WWOX: variants seen among roughly 807,000 people sequenced by gnomAD.
The protein encoded by WWOX is WW domain-containing oxidoreductase.
WWOX carries 69 observed loss-of-function variants against 46.2 expected under a neutral mutation model. The ratio of observed to expected loss-of-function variants is 1.49; its 90% confidence interval spans 1.23 to 1.82. WWOX has a LOEUF of 1.82. Among genes scored for constraint, WWOX ranks in the 40% most tolerant of loss-of-function variants. The pLI is 0.00. For missense variants in WWOX, 919 were observed against 542.6 expected (o/e 1.69, Z -6.89); for synonymous variants, 359 against 202.6 (o/e 1.77, Z -6.56).
chr16:79,184,821 A>G (rs1165411895), intron 8 of WWOX, among the ~76,000 whole-genome samples: 2 of 152,196 alleles, frequency 1.3e-5, no homozygotes, highest in Non-Finnish European at 2.9e-5. Flanking sequence ...TGATTTCCCC[A>G]TGCTCTTGGC....
chr16:78,571,790 C>T (rs2044721796), intron 8 of WWOX, among the ~76,000 whole-genome samples: 2 of 152,102 alleles, frequency 1.3e-5, no homozygotes, highest in South Asian at 4.2e-4. Context: ...ATCGCTGGAA[C>T]CCGGGAGACA....
At chr16:78,889,718 A>G (rs2044546619) in intron 8 of WWOX, among the ~76,000 whole-genome samples, 1 of 151,908 alleles carries the variant, frequency 6.6e-6, no homozygotes, top group African/African-American at 2.4e-5. Context: ...TTCTGCAGGT[A>G]TTTTCCCCCC....
chr16:79,145,130 T>G (rs2050161533), intron 8 of WWOX, among the ~76,000 whole-genome samples: 1 of 152,196 alleles, frequency 6.6e-6, no homozygotes, highest in African/African-American at 2.4e-5. Flanking sequence ...AATCCATTAT[T>G]TACTAAAACT....
chr16:79,194,194 C>G (rs1466735801), intron 8 of WWOX, among the ~76,000 whole-genome samples: 1 of 152,148 alleles, frequency 6.6e-6, no homozygotes, highest in East Asian at 1.9e-4. Context: ...TATGTCAAAA[C>G]CACACCAAAA....
intron 8 of WWOX, among the ~76,000 whole-genome samples, chr16:78,963,514 C>G (rs17636170): frequency 0.36 from 54,045 of 152,052 alleles, 9,908 homozygotes; most frequent in Non-Finnish European, 0.38. Context: ...AAGTTGCAGA[C>G]AGCAGTCGCT....
At chr16:78,529,052 C>G (rs1347918790) in intron 8 of WWOX, among the ~76,000 whole-genome samples, 2 of 150,754 alleles carry the variant, frequency 1.3e-5, no homozygotes, top group African/African-American at 4.9e-5. Context: ...CTCTCTGGCT[C>G]CAGTGATCCT....
chr16:78,753,743 A>C (rs182011724), intron 8 of WWOX, among the ~76,000 whole-genome samples: 2,085 of 143,266 alleles, frequency 0.015, 50 homozygotes, highest in African/African-American at 0.05. Context: ...TCAAGGCTGT[A>C]GTGAGCAAAG....
chr16:78,527,322 C>A (rs1440795089), intron 8 of WWOX, among the ~76,000 whole-genome samples: 1 of 137,380 alleles, frequency 7.3e-6, no homozygotes. Context: ...GAGACAGAGT[C>A]TCACTCTGTT....
chr16:78,624,889 G>A lies in WWOX; in HGVS notation c.1056+192137G>A, dbSNP rs183498148. On this transcript the variant is annotated intron_variant, in intron 8 of 8. Transcript: ENST00000566780. ...TTTGAATGCTGGCATGGTGATGAAA[G>A]GTGATGTTCACCTGGAGTCTGTACA... Among the ~76,000 whole-genome samples, 235 of 152,300 alleles carry A rather than the reference G, an allele frequency of 1.5e-3. 2 individuals carry two copies. Among genetic ancestry groups the A allele is most frequent in the African/African-American group, 5.3e-3 (220 of 41,564 alleles).
intron 6 of WWOX, among the ~76,000 whole-genome samples, chr16:78,412,991 G>T (rs1022231005): frequency 1.3e-5 from 2 of 152,086 alleles, no homozygotes; most frequent in East Asian, 3.9e-4. Context: ...CTTACCTGAT[G>T]GTCAGAAAGA....
intron 8 of WWOX, among the ~76,000 whole-genome samples, chr16:78,547,052 TG>T (rs1170812854): frequency 1.4e-5 from 2 of 142,034 alleles, no homozygotes; most frequent in Non-Finnish European, 3.0e-5. Context: ...TGCTTGAGCC[TG>T]GGAGGTCAAA....
intron 5 of WWOX, among the ~76,000 whole-genome samples, chr16:78,362,504 GA>G (rs1186512589): frequency 6.6e-6 from 1 of 152,082 alleles, no homozygotes; most frequent in African/African-American, 2.4e-5. Flanking sequence ...AGGTACTCGG[GA>G]GGCTGAGGCA....
intron 8 of WWOX, among the ~76,000 whole-genome samples, chr16:78,953,138 C>T (rs746896278): frequency 1.3e-5 from 2 of 152,008 alleles, no homozygotes; most frequent in South Asian, 4.2e-4. Flanking sequence ...GATAATCTGA[C>T]CTCCTAAGTT....
At chr16:78,825,228 G>A (rs889455097) in intron 8 of WWOX, 8 of 218,512 alleles carry the variant, frequency 3.7e-5, no homozygotes, top group African/African-American at 1.8e-4. Flanking sequence ...TTGCTCTAGT[G>A]AGATCTAAGA....
intron 8 of WWOX, among the ~76,000 whole-genome samples, chr16:78,564,682 T>C (rs1057029995): frequency 6.6e-6 from 1 of 152,162 alleles, no homozygotes; most frequent in Non-Finnish European, 1.5e-5. Flanking sequence ...AGCTCAAAAA[T>C]AAATTTCTGG....
At chr16:78,593,217 T>TA (rs2045392732) in intron 8 of WWOX, among the ~76,000 whole-genome samples, 1 of 151,688 alleles carries the variant, frequency 6.6e-6, no homozygotes, top group South Asian at 2.1e-4. Flanking sequence ...ATTTTTTTTT[T>TA]ATGTGTATAG....
intron 8 of WWOX, among the ~76,000 whole-genome samples, chr16:78,732,608 C>T (rs530405892): frequency 6.6e-6 from 1 of 152,114 alleles, no homozygotes; most frequent in East Asian, 1.9e-4. Context: ...GGGCTATGCT[C>T]TAATCAATAA....
At chr16:78,135,715 C>A (rs925844081) in intron 4 of WWOX, among the ~76,000 whole-genome samples, 6 of 150,510 alleles carry the variant, frequency 4.0e-5, no homozygotes, top group African/African-American at 1.2e-4. Flanking sequence ...CAACAAACAA[C>A]AAAAAAAACA....
intron 8 of WWOX, among the ~76,000 whole-genome samples, chr16:78,784,198 C>G (rs1215428315): frequency 6.6e-6 from 1 of 152,124 alleles, no homozygotes; most frequent in Non-Finnish European, 1.5e-5. Context: ...TTCAATCACT[C>G]AACCCTTGTC....
Sources: allele counts gnomAD v4.1 joint callset (sites outside exome capture counted in the v4.1 genomes callset), GRCh38; gene constraint gnomAD v4.1.1; transcripts MANE v1.5; gene names NCBI Gene and HGNC (gene_info 2026-07-23, HGNC 2026-07-21).